CELF2: variants seen among roughly 807,000 people sequenced by gnomAD.
CELF2 encodes the protein CUG triplet repeat RNA-binding protein 2.
CELF2 carries 8 observed loss-of-function variants against 62.6 expected under a neutral mutation model. The observed-to-expected ratio is 0.13, with a 90% CI of 0.07 to 0.23. The LOEUF (loss-of-function observed/expected upper bound fraction) is 0.23, where lower values mean the gene tolerates loss of function less well. Among genes scored for constraint, CELF2 ranks in the 10% least tolerant of loss-of-function variants. The pLI is 1.00. For missense variants in CELF2, 333 were observed against 671.0 expected (o/e 0.50, Z 5.56); for synonymous variants, 258 against 250.0 (o/e 1.03, Z -0.30).
At chr10:10,975,743 C>T (rs2051259175) in intron 2 of CELF2, among the ~76,000 whole-genome samples, 1 of 152,198 alleles carries the variant, frequency 6.6e-6, no homozygotes, top group African/African-American at 2.4e-5. Flanking sequence ...CTGTGAGCCC[C>T]AAAGCTGGGC....
intron 2 of CELF2, among the ~76,000 whole-genome samples, chr10:10,963,773 G>A (rs935301020): frequency 3.3e-5 from 5 of 152,158 alleles, no homozygotes; most frequent in Non-Finnish European, 2.9e-5. Flanking sequence ...CCCATGTAAG[G>A]TGAAGAGAGG....
intron 2 of CELF2, among the ~76,000 whole-genome samples, chr10:10,979,443 G>A (rs1387041242): frequency 1.3e-5 from 2 of 152,164 alleles, no homozygotes; most frequent in Admixed American, 6.5e-5. Flanking sequence ...GGCCTAGGCC[G>A]GTGGATGGCT....
rs1273769544 is a variant in CELF2, at chr10:10,880,484, C to T, written c.54-39480C>T. On this transcript the variant is annotated intron_variant, in intron 1 of 13. Coordinates refer to the CELF2 transcript ENST00000636488. The stretch of plus-strand genomic sequence containing the variant: ...GAAATAGAGAAGGGTGCTAAGGAGC[C>T]TATCTCCTTAACCGCATCTTTTTCG... Among the ~76,000 whole-genome samples, 3 of 152,256 alleles carry T rather than the reference C, an allele frequency of 2.0e-5. No individual in the cohort carries two copies. In the East Asian group the frequency reaches 5.8e-4, roughly 29 times the overall value.
intron 1 of CELF2, among the ~76,000 whole-genome samples, chr10:10,900,710 C>A (rs1364510503): frequency 6.6e-6 from 1 of 151,958 alleles, no homozygotes; most frequent in Non-Finnish European, 1.5e-5. Context: ...CAGGTTGTAG[C>A]CAGCGCGGTC....
intron 1 of CELF2, among the ~76,000 whole-genome samples, chr10:11,073,318 C>T (rs912508322): frequency 6.6e-6 from 1 of 152,158 alleles, no homozygotes; most frequent in Non-Finnish European, 1.5e-5. Flanking sequence ...CACTTAAGCC[C>T]TCCAGCTGCA....
the CELF2 span, among the ~76,000 whole-genome samples, chr10:10,724,393 T>G: frequency 6.6e-6 from 1 of 152,136 alleles, no homozygotes; most frequent in Non-Finnish European, 1.5e-5. Context: ...TGGTGGCTCA[T>G]GCCTGTAATC....
intron 2 of CELF2, among the ~76,000 whole-genome samples, chr10:10,945,132 G>A (rs1158024117): frequency 6.6e-6 from 1 of 152,200 alleles, no homozygotes; most frequent in Non-Finnish European, 1.5e-5. Context: ...GAGAGTCTTA[G>A]ACATTCAGCC....
chr10:11,318,143 G>C lies in CELF2; in HGVS notation c.1097-3046G>C, dbSNP rs1213836651. On this transcript the variant is annotated intron_variant, in intron 10 of 12. Transcript: ENST00000633077. The surrounding 1 kb of genome is among the most constrained non-coding windows in gnomAD (Gnocchi z 5.4). ...CTAGAACAACATCAGGTGACTCACA[G>C]GAACTGTTCTCAGAAGTGGAAGGCC... The C allele has an allele frequency of 6.5e-6, 1 of 152,698 alleles. No homozygotes were observed. The highest frequency in any genetic ancestry group is 1.5e-5 in the Non-Finnish European group (1 of 68,506). The allele number at this position is 152,698 out of a possible 1,614,324, so 9.5% of individuals were successfully genotyped here.
At chr10:10,647,658 G>A in the CELF2 span, among the ~76,000 whole-genome samples, 4 of 152,084 alleles carry the variant, frequency 2.6e-5, no homozygotes, top group African/African-American at 4.8e-5. Context: ...GCATATCCCC[G>A]GGCCTTGGAG....
In CELF2 at chr10:11,149,134, G is replaced by A. The variant is rs190071195; in HGVS notation, c.75-16352G>A. Among the ~76,000 whole-genome samples the A allele has an allele frequency of 1.8e-4, 28 of 152,148 alleles. No individual in the cohort carries two copies. In the East Asian group the frequency reaches 3.1e-3, roughly 17 times the overall value. On this transcript the variant is annotated intron_variant, in intron 1 of 12. Coordinates refer to ENST00000633077, the MANE Select transcript of CELF2 (RefSeq NM_001326342.2). ...CACCCAGGCTGGAGTGCAGTGGTGC[G>A]ATCTTGGCTCACTGCAACTTCCACC...
At chr10:11,282,062 G>T (rs1424931196) in intron 8 of CELF2, among the ~76,000 whole-genome samples, 1 of 152,178 alleles carries the variant, frequency 6.6e-6, no homozygotes, top group Non-Finnish European at 1.5e-5. Context: ...GGGGACCTGG[G>T]GGGTAGAGTT....
At chr10:10,903,788 C>A (rs1377207709) in intron 1 of CELF2, among the ~76,000 whole-genome samples, 1 of 152,174 alleles carries the variant, frequency 6.6e-6, no homozygotes, top group Non-Finnish European at 1.5e-5. Flanking sequence ...GGGGATGATG[C>A]AGAGCCACCT....
At chr10:10,966,952 C>T (rs1251073203) in intron 2 of CELF2, among the ~76,000 whole-genome samples, 1 of 152,186 alleles carries the variant, frequency 6.6e-6, no homozygotes, top group Non-Finnish European at 1.5e-5. Flanking sequence ...AGTGAAATGC[C>T]TGAATGGATT....
Position 11,270,162 on chromosome 10 carries a change from C to G in CELF2, c.619-504C>G, listed in dbSNP as rs2083333644. 1.3e-5 allele frequency among the ~76,000 whole-genome samples: 2 copies of G among 152,112 alleles called. No individual in the cohort carries two copies. The highest frequency in any genetic ancestry group is 2.9e-5 in the Non-Finnish European group (2 of 68,016). On this transcript the variant is annotated intron_variant, in intron 6 of 12. Coordinates refer to ENST00000633077, the MANE Select transcript of CELF2 (RefSeq NM_001326342.2). The surrounding 1 kb of genome is among the most constrained non-coding windows in gnomAD (Gnocchi z 5.8). ...GCTGGGCCGATAGGATTGTCACAAT[C>G]CCAAAGTTCACAGATACATAACTGA...
chr10:11,021,397 A>G (rs2058293585), intron 1 of CELF2, among the ~76,000 whole-genome samples: 1 of 152,246 alleles, frequency 6.6e-6, no homozygotes, highest in Non-Finnish European at 1.5e-5. Context: ...ATAACTGGCA[A>G]AATATCTATC....
intron 4 of CELF2, among the ~76,000 whole-genome samples, chr10:11,251,393 C>T (rs1383300400): frequency 4.2e-5 from 6 of 144,062 alleles, no homozygotes; most frequent in African/African-American, 1.3e-4. Flanking sequence ...TCTTTCTGTC[C>T]AGTGTCCACT....
chr10:11,297,876 G>T lies in CELF2; in HGVS notation c.976+9324G>T, dbSNP rs12241286. ...CACACCTGTGGTTCCCAGCTACTCG[G>T]GAGGCTGAGGCAGGAAAATGACTTG... On this transcript the variant is annotated intron_variant, in intron 9 of 12. Transcript: ENST00000633077. The surrounding 1 kb of genome is among the most constrained non-coding windows in gnomAD (Gnocchi z 4.4). Among the ~76,000 whole-genome samples, 12,434 of 152,154 alleles carry T rather than the reference G, an allele frequency of 0.082. 545 individuals carry two copies. Among genetic ancestry groups the T allele is most frequent in the Middle Eastern group, 0.12 (36 of 294 alleles).
intron 1 of CELF2, among the ~76,000 whole-genome samples, chr10:10,880,557 G>A (rs368569726): frequency 2.0e-5 from 3 of 152,074 alleles, no homozygotes; most frequent in African/African-American, 7.2e-5. Context: ...GGGGTGTTAC[G>A]GATACTGGCT....
At chr10:10,806,809 A>G (rs1246492118) in intron 1 of CELF2, among the ~76,000 whole-genome samples, 1 of 152,228 alleles carries the variant, frequency 6.6e-6, no homozygotes, top group African/African-American at 2.4e-5. Flanking sequence ...AGTATTTGGT[A>G]AGGGGTGACC....
Sources: gnomAD v4.1 joint callset for allele counts (sites outside exome capture counted in the v4.1 genomes callset) on GRCh38, gnomAD v4.1.1 for gene constraint, Gnocchi (gnomAD v3.1) non-coding constraint, MANE v1.5 for transcripts, NCBI Gene and HGNC (gene_info 2026-07-23, HGNC 2026-07-21) for gene names.